The following HCN4 variants were observed in gnomAD, a reference collection of about 807,000 sequenced individuals.
The protein encoded by HCN4 is hyperpolarization activated cyclic nucleotide gated potassium channel 4, also known as potassium/sodium hyperpolarization-activated cyclic nucleotide-gated channel 4.
Under a neutral mutation model 76.9 loss-of-function variants are expected in HCN4, and 29 were observed. The observed-to-expected ratio is 0.38, with a 90% CI of 0.28 to 0.51. The LOEUF is 0.51. Among genes scored for constraint, HCN4 ranks in the 20% least tolerant of loss-of-function variants. HCN4 has a pLI of 0.90. For synonymous variants in HCN4, 772 were observed against 762.5 expected (o/e 1.01, Z -0.21); for missense variants, 1,416 against 1,715.2 (o/e 0.83, Z 3.08).
chr15:73,355,950 A>C (rs906803600), intron 1 of HCN4, among the ~76,000 whole-genome samples: 2 of 152,190 alleles, frequency 1.3e-5, no homozygotes, highest in African/African-American at 4.8e-5. Flanking sequence ...CAAGCTTACA[A>C]GAATCAAAGA....
chr15:73,342,699 A>G (rs917765446), intron 2 of HCN4, among the ~76,000 whole-genome samples: 2 of 152,198 alleles, frequency 1.3e-5, no homozygotes, highest in Admixed American at 6.5e-5. Flanking sequence ...ATGCATCCCC[A>G]AAACATCCCT....
At chr15:73,326,205 T>C (rs1367957222) in intron 4 of HCN4, among the ~76,000 whole-genome samples, 1 of 151,836 alleles carries the variant, frequency 6.6e-6, no homozygotes, top group African/African-American at 2.4e-5. Context: ...TGGGAGGTAT[T>C]GATTAGGCAA....
chr15:73,366,154 G>A (rs1367057193), intron 1 of HCN4, among the ~76,000 whole-genome samples: 1 of 152,140 alleles, frequency 6.6e-6, no homozygotes, highest in East Asian at 1.9e-4. Context: ...GAGATATTAG[G>A]GTTAGGAAGA....
intron 2 of HCN4, among the ~76,000 whole-genome samples, chr15:73,342,672 A>C (rs930254098): frequency 6.6e-6 from 1 of 152,092 alleles, no homozygotes; most frequent in African/African-American, 2.4e-5. Context: ...CAGTCCCCTT[A>C]CCAGATTTTC....
chr15:73,332,251 G>A lies in HCN4; in HGVS notation c.1251C>T (p.Arg417=). ...GCATCATGCCGATGAGGTTCACGAT[G>A]CGCACCACGGCGCTGGCCAGGTCGT... ...MTYDLASAVV[R]IVNLIGMMLL... The change falls in exon 3 of 8, where the codon CGC becomes CGT. Residue 417 remains arginine, a synonymous_variant. Transcript: ENST00000261917. 6.2e-7 allele frequency: 1 copy of A among 1,614,228 alleles called. No homozygotes were observed. The highest frequency in any genetic ancestry group is 1.3e-5 in the African/African-American group (1 of 75,062).
intron 1 of HCN4, among the ~76,000 whole-genome samples, chr15:73,353,012 G>A (rs488557): frequency 7.1e-4 from 97 of 137,144 alleles, no homozygotes; most frequent in African/African-American, 2.4e-3. Context: ...ACAGATGGAT[G>A]GATGGATGGA....
chr15:73,331,835 C>A (rs1595823852), intron 3 of HCN4, among the ~76,000 whole-genome samples: 1 of 152,108 alleles, frequency 6.6e-6, no homozygotes, highest in Admixed American at 6.5e-5. Flanking sequence ...TGGGGGAGGC[C>A]GCCCAGGTCT....
intron 1 of HCN4, among the ~76,000 whole-genome samples, chr15:73,350,798 T>C (rs796646331): frequency 3.3e-5 from 5 of 152,156 alleles, no homozygotes; most frequent in African/African-American, 1.2e-4. Flanking sequence ...TCTGTCTCTC[T>C]CCACTGATCC....
intron 1 of HCN4, among the ~76,000 whole-genome samples, chr15:73,360,475 A>G (rs1327804200): frequency 6.6e-6 from 1 of 152,196 alleles, no homozygotes; most frequent in Non-Finnish European, 1.5e-5. Context: ...CCTGCTGACT[A>G]TCCCTTTCTG....
chr15:73,341,643 G>A (rs1316894158), intron 2 of HCN4, among the ~76,000 whole-genome samples: 2 of 152,166 alleles, frequency 1.3e-5, no homozygotes, highest in African/African-American at 4.8e-5. Flanking sequence ...ACACCGGGGT[G>A]GGACAGCCCA....
intron 1 of HCN4, among the ~76,000 whole-genome samples, chr15:73,365,708 G>A (rs2151227741): frequency 6.6e-6 from 1 of 152,294 alleles, no homozygotes; most frequent in Admixed American, 6.5e-5. Flanking sequence ...AGGGAGGCTG[G>A]GCATGCCTGG....
At chr15:73,326,769 TTTTATTTA>T (rs745348390) in intron 4 of HCN4, among the ~76,000 whole-genome samples, 6 of 151,050 alleles carry the variant, frequency 4.0e-5, no homozygotes, top group South Asian at 2.1e-4. Flanking sequence ...CTTTTTTTCT[TTTTATTTA>T]TTTATTTATT....
chr15:73,364,392 C>T (rs749298797), intron 1 of HCN4, among the ~76,000 whole-genome samples: 1 of 152,148 alleles, frequency 6.6e-6, no homozygotes, highest in Non-Finnish European at 1.5e-5. Context: ...CTTGGGGTTC[C>T]ATTTCCTTTC....
intron 1 of HCN4, among the ~76,000 whole-genome samples, chr15:73,360,387 T>A (rs1032900235): frequency 6.6e-6 from 1 of 152,134 alleles, no homozygotes; most frequent in Non-Finnish European, 1.5e-5. Flanking sequence ...TCCCCATCTA[T>A]GAAACAAAGG....
At chr15:73,348,211 C>G (rs1361367369) in intron 1 of HCN4, among the ~76,000 whole-genome samples, 4 of 152,146 alleles carry the variant, frequency 2.6e-5, no homozygotes, top group Non-Finnish European at 5.9e-5. Context: ...GACTAAGGGC[C>G]CTCTCCTTCC....
rs187204067 is a variant in HCN4 at position 73,361,442 on chromosome 15, G to A, written c.785+6044C>T. Among the ~76,000 whole-genome samples, 7 of 152,324 alleles carry A rather than the reference G, an allele frequency of 4.6e-5. No homozygotes were observed. The East Asian group carries it at 7.7e-4, about 17-fold the overall frequency. ...CCATGGCCCTCTCTGTCTGGGAAAC[G>A]TGAATTCTTCAGCATCCCCTGGGCG... On this transcript the variant is annotated intron_variant, in intron 1 of 7. Transcript: ENST00000261917.
At chr15:73,333,668 A>T (rs1179634337) in intron 2 of HCN4, among the ~76,000 whole-genome samples, 1 of 152,180 alleles carries the variant, frequency 6.6e-6, no homozygotes, top group Non-Finnish European at 1.5e-5. Flanking sequence ...GATGAAGTGG[A>T]CAGCGAAAGG....
At position 73,343,011 on chromosome 15, in the gene HCN4, A is replaced by G. The variant is rs75545928; in HGVS notation, c.1209+374T>C. Reference sequence around the variant, plus strand: ...TTTATGGGTTTACAAACCCTACAACATAACGCAGTGGTTAATAATGTGGGC... The same window carrying G: ...TTTATGGGTTTACAAACCCTACAACGTAACGCAGTGGTTAATAATGTGGGC... On this transcript the variant is annotated intron_variant, in intron 2 of 7. Transcript: ENST00000261917. This position sits in a 1 kb window ranked among gnomAD's most constrained non-coding sequence, Gnocchi z 5.7. Among the ~76,000 whole-genome samples, 182 of 152,338 alleles carry G rather than the reference A, an allele frequency of 1.2e-3. 2 individuals are homozygous for G. In the East Asian group the frequency reaches 0.027, roughly 23 times the overall value.
intron 1 of HCN4, among the ~76,000 whole-genome samples, chr15:73,356,407 C>T (rs2043081111): frequency 8.0e-6 from 1 of 125,168 alleles, no homozygotes; most frequent in African/African-American, 3.1e-5. Context: ...GAGGTAGGGT[C>T]TCTCCATGTT....
Sources: gnomAD v4.1 joint callset for allele counts (sites outside exome capture counted in the v4.1 genomes callset) on GRCh38, gnomAD v4.1.1 for gene constraint, Gnocchi (gnomAD v3.1) non-coding constraint, MANE v1.5 for transcripts, NCBI Gene and HGNC (gene_info 2026-07-23, HGNC 2026-07-21) for gene names.